CSMD1: variants seen among roughly 807,000 people sequenced by gnomAD.
The protein encoded by CSMD1 is CUB and Sushi multiple domains 1, also known as CUB and sushi domain-containing protein 1.
CSMD1 carries 213 observed loss-of-function variants against 417.5 expected under a neutral mutation model. That is an observed-to-expected ratio of 0.51 (90% CI 0.46 to 0.57). The LOEUF is 0.57. Ranked by LOEUF, CSMD1 falls within the 20% of genes least tolerant of loss-of-function variation. The pLI is 0.00. For missense variants in CSMD1, 6,923 were observed against 4,529.7 expected (o/e 1.53, Z -15.17); for synonymous variants, 2,862 against 1,736.8 (o/e 1.65, Z -16.11).
Position 3,178,575 on chromosome 8 carries a change from G to C in CSMD1, c.5725+2535C>G, listed in dbSNP as rs183223668. ...CTCTGCATGCCATCTGTTATTAACA[G>C]TGTGGCTAGGACCCAGGAAGGCTAA... On this transcript the variant is annotated intron_variant, in intron 37 of 69. Transcript: ENST00000635120. Among the ~76,000 whole-genome samples the C allele has an allele frequency of 6.6e-5, 10 of 152,276 alleles. 1 individual carries two copies. Among genetic ancestry groups the C allele is most frequent in the Admixed American group, 5.2e-4 (8 of 15,294 alleles).
chr8:3,896,226 T>C (rs1425069633), intron 5 of CSMD1, among the ~76,000 whole-genome samples: 2 of 152,196 alleles, frequency 1.3e-5, no homozygotes, highest in Non-Finnish European at 2.9e-5. Context: ...TATAGCCTGG[T>C]TGCTGTCACC....
At chr8:3,339,042 G>A (rs2117587958) in intron 23 of CSMD1, among the ~76,000 whole-genome samples, 1 of 135,258 alleles carries the variant, frequency 7.4e-6, no homozygotes, top group African/African-American at 2.8e-5. Flanking sequence ...GTGTCCATGT[G>A]ATCTCATTGT....
intron 1 of CSMD1, among the ~76,000 whole-genome samples, chr8:4,837,457 G>A (rs1349226447): frequency 2.0e-5 from 3 of 152,274 alleles, no homozygotes; most frequent in East Asian, 3.9e-4. Context: ...GGATGCAACT[G>A]GAGATCATTG....
chr8:3,878,032 G>C (rs2930344), intron 5 of CSMD1, among the ~76,000 whole-genome samples: 4,986 of 151,662 alleles, frequency 0.033, 277 homozygotes, highest in African/African-American at 0.12. Flanking sequence ...TGATTTATTA[G>C]TACCTCCATC....
intron 2 of CSMD1, among the ~76,000 whole-genome samples, chr8:4,608,428 C>G (rs1404574992): frequency 6.6e-6 from 1 of 152,238 alleles, no homozygotes; most frequent in Middle Eastern, 3.4e-3. Flanking sequence ...TGAAAGTGGA[C>G]TTGACATGAT....
chr8:3,324,782 G>T (rs1204388844), intron 23 of CSMD1, among the ~76,000 whole-genome samples: 1 of 152,140 alleles, frequency 6.6e-6, no homozygotes, highest in Non-Finnish European at 1.5e-5. Context: ...AATATCTGAC[G>T]GTGAGTGTTC....
At chr8:4,584,467 A>C (rs1799601902) in intron 2 of CSMD1, among the ~76,000 whole-genome samples, 1 of 152,208 alleles carries the variant, frequency 6.6e-6, no homozygotes, top group Non-Finnish European at 1.5e-5. Flanking sequence ...TGGCCGCCGG[A>C]CTAAAGAAAC....
At chr8:3,637,113 C>T (rs79185134) in intron 7 of CSMD1, among the ~76,000 whole-genome samples, 203 of 152,264 alleles carry the variant, frequency 1.3e-3, no homozygotes, top group African/African-American at 4.5e-3. Flanking sequence ...AATAAATTTC[C>T]TTCCTTTATA....
chr8:4,680,861 T>C (rs1232213238), intron 1 of CSMD1, among the ~76,000 whole-genome samples: 1 of 151,946 alleles, frequency 6.6e-6, no homozygotes, highest in Admixed American at 6.6e-5. Context: ...ATTATAAGTG[T>C]GAGCCACTGT....
chr8:3,216,531 A>T (rs1352973928), intron 29 of CSMD1, among the ~76,000 whole-genome samples: 1 of 152,174 alleles, frequency 6.6e-6, no homozygotes, highest in Non-Finnish European at 1.5e-5. Context: ...TATCACCTAC[A>T]CAACTTTCTT....
chr8:4,276,553 G>A (rs1021994130), intron 3 of CSMD1, among the ~76,000 whole-genome samples: 5 of 152,026 alleles, frequency 3.3e-5, no homozygotes, highest in African/African-American at 1.2e-4. Context: ...TAACAAACCT[G>A]CACGTTCTGC....
rs376266318 is a variant in CSMD1, at chr8:4,778,600, T to C, written c.86-141042A>G. Among the ~76,000 whole-genome samples the C allele has an allele frequency of 9.2e-5, 14 of 152,320 alleles. No individual in the cohort carries two copies. In the East Asian group the frequency reaches 1.5e-3, roughly 17 times the overall value. On this transcript the variant is annotated intron_variant, in intron 1 of 69. Transcript: ENST00000635120. ...TGGAAATTCCGTGAGAGGGAGGTCA[T>C]GTGCAGGTCCTACTTCTACCACTAT...
intron 1 of CSMD1, among the ~76,000 whole-genome samples, chr8:4,795,559 G>C (rs1261298347): frequency 1.3e-5 from 2 of 151,920 alleles, no homozygotes; most frequent in African/African-American, 4.8e-5. Context: ...ACCGCACCCG[G>C]CCAGCTTTCT....
intron 5 of CSMD1, among the ~76,000 whole-genome samples, chr8:3,850,843 T>C (rs1292669315): frequency 1.3e-5 from 2 of 152,206 alleles, no homozygotes; most frequent in South Asian, 2.1e-4. Context: ...TAAAAAATGA[T>C]AGATACTCTA....
intron 1 of CSMD1, among the ~76,000 whole-genome samples, chr8:4,644,893 C>T (rs1409617787): frequency 6.6e-6 from 1 of 152,090 alleles, no homozygotes; most frequent in Admixed American, 6.6e-5. Context: ...TTGTTGAAGC[C>T]TGTGGGTGAG....
At chr8:4,468,616 G>T (rs1419681835) in intron 2 of CSMD1, among the ~76,000 whole-genome samples, 2 of 152,032 alleles carry the variant, frequency 1.3e-5, no homozygotes, top group Non-Finnish European at 2.9e-5. Flanking sequence ...GATTCAATTT[G>T]AACCTAATTG....
chr8:4,950,965 A>AAAAAAC (rs200424366), intron 1 of CSMD1, among the ~76,000 whole-genome samples: 1 of 135,634 alleles, frequency 7.4e-6, no homozygotes, highest in South Asian at 2.5e-4. Context: ...CTTGTGGTAA[A>AAAAAAC]AAAAACAAAA....
intron 6 of CSMD1, among the ~76,000 whole-genome samples, chr8:3,742,806 G>A (rs1222597310): frequency 6.6e-6 from 1 of 152,150 alleles, no homozygotes; most frequent in Non-Finnish European, 1.5e-5. Context: ...AAAACAAACA[G>A]AGAACTCCTC....
At chr8:3,941,559 C>T (rs2129769183) in intron 5 of CSMD1, among the ~76,000 whole-genome samples, 1 of 152,120 alleles carries the variant, frequency 6.6e-6, no homozygotes. Flanking sequence ...AGTGGGTTTC[C>T]TTGGATATTT....
Sources: allele counts gnomAD v4.1 joint callset (sites outside exome capture counted in the v4.1 genomes callset), GRCh38; gene constraint gnomAD v4.1.1; transcripts MANE v1.5; gene names NCBI Gene and HGNC (gene_info 2026-07-23, HGNC 2026-07-21).